PCDHA2: variants seen among roughly 807,000 people sequenced by gnomAD.
PCDHA2 encodes the protein protocadherin alpha 2, also known as protocadherin alpha-2.
In PCDHA2, 58 loss-of-function variants were observed where a neutral mutation model predicts 66.0. The ratio of observed to expected loss-of-function variants is 0.88; its 90% CI spans 0.71 to 1.09. The LOEUF (loss-of-function observed/expected upper bound fraction) is 1.09, where lower values mean the gene tolerates loss of function less well. PCDHA2 is among the 50% of genes least tolerant of loss of function. PCDHA2 has a pLI of 0.00. For missense variants in PCDHA2, 1,267 were observed against 1,242.3 expected, an observed-to-expected ratio of 1.02 and a Z score of -0.30; for synonymous variants, 634 against 554.0, an observed-to-expected ratio of 1.14 and a Z score of -2.03.
Position 140,843,241 on chromosome 5 carries a change from G to A in PCDHA2, c.2388+45889G>A, listed in dbSNP as rs2150355764. ...GCACCACTCGTGTCCTGGACGAAGC[G>A]GACTCTCCGCGCCACCGTCTGCTGG... On this transcript the variant is annotated intron_variant, in intron 1 of 3. Transcript: ENST00000526136. 3.1e-6 allele frequency: 5 copies of A among 1,595,826 alleles called. 1 individual carries two copies. The highest frequency in any genetic ancestry group is 2.7e-5 in the African/African-American group (2 of 74,416).
At position 140,853,857 on chromosome 5, in the gene PCDHA2, A is replaced by C. The variant is rs2042888129; in HGVS notation, c.2388+56505A>C. ...AATTTTAGATCCATAGCCCTATTTG[A>C]TACTTGACAGTGCAAGTTTCTGTAA... On this transcript the variant is annotated intron_variant, in intron 1 of 3. Transcript: ENST00000526136. 6.1e-6 allele frequency: 6 copies of C among 985,610 alleles called. 1 individual carries two copies. The highest frequency in any genetic ancestry group is 7.3e-6 in the Non-Finnish European group (6 of 817,684). 61.1% of individuals were successfully genotyped at this position (985,610 alleles called of 1,614,324 possible).
At chr5:140,830,563 TTC>T (rs1554132929) in intron 1 of PCDHA2, 10 of 991,784 alleles carry the variant, frequency 1.0e-5, no homozygotes, top group African/African-American at 1.7e-5. Context: ...TCTTCTATAT[TTC>T]TGTTTTTAAT....
chr5:140,964,087 G>T (rs2095809523), intron 1 of PCDHA2, among the ~76,000 whole-genome samples: 1 of 152,078 alleles, frequency 6.6e-6, no homozygotes, highest in African/African-American at 2.4e-5. Context: ...TTGTAGAAAG[G>T]GTAATTAACA....
Position 140,877,714 on chromosome 5 carries a change from T to G in PCDHA2, c.2388+80362T>G, listed in dbSNP as rs781999747. 3.1e-6 allele frequency: 5 copies of G among 1,613,836 alleles called. No homozygotes were observed. The highest frequency in any genetic ancestry group is 4.2e-6 in the Non-Finnish European group (5 of 1,179,978). ...GGTGTGCTCCAGCGCCGTGGGGAGTTGGTCTTACTCGCAGCAGAGGAGGCA... is the reference window on the plus strand; with the variant it reads ...GGTGTGCTCCAGCGCCGTGGGGAGTGGGTCTTACTCGCAGCAGAGGAGGCA... On this transcript the variant is annotated intron_variant, in intron 1 of 3. Coordinates refer to ENST00000526136, the MANE Select transcript of PCDHA2 (RefSeq NM_018905.3).
intron 1 of PCDHA2, chr5:140,929,570 A>G (rs1563117537): frequency 2.2e-6 from 1 of 458,222 alleles, no homozygotes; most frequent in South Asian, 1.1e-4. Flanking sequence ...TAAGAACAAT[A>G]AAAGTAATAT....
chr5:140,967,873 C>T lies in PCDHA2; in HGVS notation c.2389-11076C>T, dbSNP rs1554230047. On this transcript the variant is annotated intron_variant, in intron 1 of 3. Transcript: ENST00000526136. ...ATGCCCCAGAGGTGGTGCTCACGGA[C>T]CTGTATAGCCCAGTGCCTGAGAATG... 1.9e-6 allele frequency: 3 copies of T among 1,614,152 alleles called. No homozygotes were observed. In the Admixed American group the frequency reaches 5.0e-5, roughly 27 times the overall value.
At chr5:140,802,112 G>C in intron 1 of PCDHA2, 1 of 1,614,188 alleles carries the variant, frequency 6.2e-7, no homozygotes, top group Non-Finnish European at 8.5e-7. Flanking sequence ...TCAGTGTAAA[G>C]GGTAACATAG....
chr5:140,959,301 G>A (rs139206577), intron 1 of PCDHA2, among the ~76,000 whole-genome samples: 161 of 152,140 alleles, frequency 1.1e-3, no homozygotes, highest in Non-Finnish European at 1.1e-3. Context: ...CACTGAGCCC[G>A]GTGGTTGAAG....
chr5:140,858,664 A>G (rs972477672), intron 1 of PCDHA2: 1 of 728,612 alleles, frequency 1.4e-6, no homozygotes, highest in African/African-American at 1.8e-5. Flanking sequence ...TTTAAATAAC[A>G]ATTTATTCTG....
chr5:140,796,929 C>T lies in PCDHA2; in HGVS notation c.1965C>T (p.Gly655=). 3 of 1,613,834 alleles carry T rather than the reference C, an allele frequency of 1.9e-6. No homozygotes were observed. Among genetic ancestry groups the T allele is most frequent in the Non-Finnish European group, 2.5e-6 (3 of 1,179,988 alleles). ...TACTCGTGCTGGTGAAGGACCACGG[C>T]GAACCAGCGTTGACAGCCACGGCCA... ...HRLLVLVKDH[G]EPALTATATV... Residue 655 remains glycine, a synonymous_variant, in exon 1 of 4, where the codon GGC becomes GGT. Coordinates refer to ENST00000526136, the MANE Select transcript of PCDHA2 (RefSeq NM_018905.3).
intron 3 of PCDHA2, among the ~76,000 whole-genome samples, chr5:140,987,919 A>G (rs1441531471): frequency 1.3e-5 from 2 of 152,082 alleles, no homozygotes; most frequent in East Asian, 3.9e-4. Context: ...TATATTCTTA[A>G]TTGTCTCAAG....
At chr5:140,836,158 C>G in intron 1 of PCDHA2, 1 of 1,613,784 alleles carries the variant, frequency 6.2e-7, no homozygotes, top group Non-Finnish European at 8.5e-7. Context: ...CATGTGGTGG[C>G]GAAGGTACGT....
At chr5:140,894,569 CT>C (rs556288790) in intron 1 of PCDHA2, among the ~76,000 whole-genome samples, 1 of 151,328 alleles carries the variant, frequency 6.6e-6, no homozygotes, top group Non-Finnish European at 1.5e-5. Flanking sequence ...AATTATTTTC[CT>C]TTTTTTTAAT....
In PCDHA2 at chr5:140,968,167, A is replaced by G. The variant is rs782252124; in HGVS notation, c.2389-10782A>G. 1.3e-4 allele frequency: 217 copies of G among 1,613,958 alleles called. 1 individual carries two copies. The highest frequency in any genetic ancestry group is 9.3e-6 in the Non-Finnish European group (11 of 1,180,038). On this transcript the variant is annotated intron_variant, in intron 1 of 3. Transcript: ENST00000526136. ...TCTCTGACATCAATGACAATCCACC[A>G]AGCTTCCTGGAGGACTCCTATTCCA...
At chr5:140,809,287 G>T in intron 1 of PCDHA2, 1 of 1,614,112 alleles carries the variant, frequency 6.2e-7, no homozygotes, top group South Asian at 1.1e-5. Context: ...ACGTATACCT[G>T]ATCATTGCCA....
intron 1 of PCDHA2, chr5:140,883,246 AAATATTCCAATGGCGGG>A: frequency 6.2e-7 from 1 of 1,614,082 alleles, no homozygotes; most frequent in Admixed American, 1.7e-5. Context: ...TTGACAAAGG[AAATATTCCAATGGCGGG>A]TCATTGTACC....
chr5:140,986,000 A>G (rs549071976), intron 3 of PCDHA2, among the ~76,000 whole-genome samples: 1 of 151,922 alleles, frequency 6.6e-6, no homozygotes, highest in Non-Finnish European at 1.5e-5. Flanking sequence ...CAGCCTCCCA[A>G]AGTGCTGGGA....
chr5:140,967,645 G>A lies in PCDHA2; in HGVS notation c.2389-11304G>A, dbSNP rs782043521. ...ATGAGGGCTCCAATGGTGAGCTCAG[G>A]TACTCCTTGAGCAGCTACACGTCGG... On this transcript the variant is annotated intron_variant, in intron 1 of 3. Transcript: ENST00000526136. 1.9e-5 allele frequency: 30 copies of A among 1,614,144 alleles called. 1 individual carries two copies. In the South Asian group the frequency reaches 3.2e-4, roughly 17 times the overall value.
At chr5:140,842,730 C>T (rs1302356073) in intron 1 of PCDHA2, 1 of 1,594,964 alleles carries the variant, frequency 6.3e-7, no homozygotes, top group Non-Finnish European at 8.6e-7. Flanking sequence ...AACAACCCGC[C>T]GGGCTGCCAC....
Sources: allele counts gnomAD v4.1 joint callset (sites outside exome capture counted in the v4.1 genomes callset), GRCh38; gene constraint gnomAD v4.1.1; transcripts MANE v1.5; gene names NCBI Gene and HGNC (gene_info 2026-07-23, HGNC 2026-07-21).